The following ELP4 variants were observed in gnomAD, a reference collection of about 807,000 sequenced individuals.
ELP4 encodes the protein elongator complex protein 4.
A neutral mutation model predicts 48.9 loss-of-function variants in ELP4; 51 were observed. The ratio of observed to expected loss-of-function variants is 1.04; its 90% CI spans 0.83 to 1.32. ELP4 has a LOEUF of 1.32. Among genes scored for constraint, ELP4 ranks in the 40% most tolerant of loss-of-function variants. The probability of loss-of-function intolerance (pLI) is 0.00; values close to 1 mark genes in which losing one functional copy is unlikely to be tolerated. For synonymous variants in ELP4, 210 were observed against 189.2 expected (o/e 1.11, Z -0.90); for missense variants, 519 against 514.6 (o/e 1.01, Z -0.08).
intron 1 of ELP4, chr11:31,510,325 A>G (rs1955965355): frequency 6.0e-6 from 3 of 502,830 alleles, no homozygotes; most frequent in Non-Finnish European, 7.1e-6. Context: ...ATTTATGGAG[A>G]TGGTTTGGCT....
chr11:31,690,356 G>A (rs1946251100), intron 9 of ELP4, among the ~76,000 whole-genome samples: 1 of 152,032 alleles, frequency 6.6e-6, no homozygotes, highest in Non-Finnish European at 1.5e-5. Context: ...CTTCAAGTGA[G>A]AGGGAGCACG....
chr11:31,558,008 CA>C (rs1191645156), intron 3 of ELP4, among the ~76,000 whole-genome samples: 2 of 151,960 alleles, frequency 1.3e-5, no homozygotes, highest in Non-Finnish European at 2.9e-5. Context: ...GAGCTATAAT[CA>C]GAATATTTTC....
intron 9 of ELP4, among the ~76,000 whole-genome samples, chr11:31,669,767 A>T (rs1368218842): frequency 6.6e-6 from 1 of 152,170 alleles, no homozygotes; most frequent in African/African-American, 2.4e-5. Flanking sequence ...ATGTTTAATT[A>T]TTCCCGCTCT....
intron 9 of ELP4, among the ~76,000 whole-genome samples, chr11:31,728,612 C>T (rs555293508): frequency 2.6e-5 from 4 of 152,280 alleles, no homozygotes; most frequent in African/African-American, 9.6e-5. Flanking sequence ...GTCTTTGCAG[C>T]AGTGCTCTGC....
intron 9 of ELP4, among the ~76,000 whole-genome samples, chr11:31,748,307 C>CA (rs1947642558): frequency 6.8e-6 from 1 of 147,882 alleles, no homozygotes; most frequent in African/African-American, 2.5e-5. Flanking sequence ...TGCAGTGGTG[C>CA]AACCTCAGCT....
At chr11:31,668,515 A>G (rs1945727243) in intron 9 of ELP4, among the ~76,000 whole-genome samples, 1 of 151,190 alleles carries the variant, frequency 6.6e-6, no homozygotes, top group Non-Finnish European at 1.5e-5. Context: ...CCCAAGAGAC[A>G]AGGGCTGGCT....
chr11:31,637,971 G>GT (rs1224305074), intron 7 of ELP4, among the ~76,000 whole-genome samples: 2 of 151,812 alleles, frequency 1.3e-5, no homozygotes, highest in Non-Finnish European at 2.9e-5. Context: ...TCTGTGGCAA[G>GT]TTGTTTTTGA....
intron 5 of ELP4, among the ~76,000 whole-genome samples, chr11:31,616,704 C>G (rs1441037547): frequency 6.6e-6 from 1 of 151,952 alleles, no homozygotes; most frequent in Non-Finnish European, 1.5e-5. Flanking sequence ...GAATAAAGAA[C>G]TCCTACGACT....
intron 9 of ELP4, among the ~76,000 whole-genome samples, chr11:31,751,861 C>T (rs1947728384): frequency 6.6e-6 from 1 of 152,166 alleles, no homozygotes; most frequent in Non-Finnish European, 1.5e-5. Context: ...TCCAGTCTAA[C>T]AAGTCCTGTC....
intron 7 of ELP4, chr11:31,634,065 T>C (rs144829164): frequency 6.6e-6 from 1 of 152,192 alleles, no homozygotes; most frequent in African/African-American, 2.4e-5. Flanking sequence ...GTTAAATGAT[T>C]ATCCAATATC....
intron 7 of ELP4, among the ~76,000 whole-genome samples, chr11:31,644,058 CTCCT>C (rs1945152747): frequency 1.3e-5 from 2 of 151,868 alleles, no homozygotes; most frequent in Admixed American, 6.6e-5. Context: ...TCTGGCTTCC[CTCCT>C]AGTCATGTCT....
At chr11:31,666,237 G>A (rs969536843) in intron 9 of ELP4, among the ~76,000 whole-genome samples, 1 of 151,722 alleles carries the variant, frequency 6.6e-6, no homozygotes, top group African/African-American at 2.4e-5. Flanking sequence ...TTAAACTCCT[G>A]ACCTCAGGTG....
intron 9 of ELP4, among the ~76,000 whole-genome samples, chr11:31,696,011 A>G (rs1197566953): frequency 2.6e-5 from 4 of 151,776 alleles, no homozygotes; most frequent in Non-Finnish European, 5.9e-5. Context: ...ATTCGTGGTG[A>G]TATCCCCTTT....
intron 3 of ELP4, among the ~76,000 whole-genome samples, chr11:31,584,144 G>C (rs1957435176): frequency 6.6e-6 from 1 of 151,852 alleles, no homozygotes. Flanking sequence ...TTAGACAATT[G>C]TACATGAAAA....
At position 31,788,072 on chromosome 11, in the gene ELP4, C is replaced by A. The variant is rs1176937715; in HGVS notation, c.*4548C>A. ...TATGTTGCACAGAACAAATGAAAGT[C>A]TCAGACAGTCCTTTTTTACCCAACA... is the stretch of plus-strand genomic sequence containing the variant. On this transcript the variant is annotated 3_prime_UTR_variant, in exon 10 of 10. Transcript: ENST00000640961. 3 of 222,974 alleles carry A rather than the reference C, an allele frequency of 1.3e-5. No homozygotes were observed. The highest frequency in any genetic ancestry group is 6.7e-5 in the African/African-American group (3 of 44,784). 13.8% of individuals were successfully genotyped at this position (222,974 alleles called of 1,614,324 possible).
intron 3 of ELP4, among the ~76,000 whole-genome samples, chr11:31,583,920 T>C (rs981398054): frequency 5.3e-5 from 8 of 152,114 alleles, no homozygotes; most frequent in Admixed American, 2.6e-4. Context: ...AGATTAACTT[T>C]TTCGTTCATT....
intron 9 of ELP4, chr11:31,653,685 C>T (rs1701791634): frequency 6.6e-6 from 1 of 151,538 alleles, no homozygotes; most frequent in Non-Finnish European, 1.5e-5. Flanking sequence ...TATGAATGGG[C>T]TTTTAAAAAT....
At chr11:31,647,226 C>T (rs1176577477) in intron 7 of ELP4, 1 of 151,822 alleles carries the variant, frequency 6.6e-6, no homozygotes. Context: ...TGGTCCTTTC[C>T]ATGTTTCTAA....
chr11:31,699,841 C>T (rs1319541564), intron 9 of ELP4, among the ~76,000 whole-genome samples: 1 of 151,920 alleles, frequency 6.6e-6, no homozygotes, highest in Non-Finnish European at 1.5e-5. Flanking sequence ...TTTCCCTGCC[C>T]AAAAAGCATG....
Sources: allele counts gnomAD v4.1 joint callset (sites outside exome capture counted in the v4.1 genomes callset), GRCh38; gene constraint gnomAD v4.1.1; transcripts MANE v1.5; gene names NCBI Gene and HGNC (gene_info 2026-07-23, HGNC 2026-07-21).